STPG2: variants seen among roughly 807,000 people sequenced by gnomAD.
STPG2 encodes the protein sperm tail PG-rich repeat containing 2.
STPG2 carries 56 observed loss-of-function variants against 54.2 expected under a neutral mutation model. That is an observed-to-expected ratio of 1.03 (90% CI 0.83 to 1.29). STPG2 has a LOEUF of 1.29. Among genes scored for constraint, STPG2 ranks in the 50% most tolerant of loss-of-function variants. The pLI is 0.00. For missense variants in STPG2, 596 were observed against 544.9 expected, an observed-to-expected ratio of 1.09 and a Z score of -0.93; for synonymous variants, 200 against 181.8, an observed-to-expected ratio of 1.10 and a Z score of -0.81.
chr4:97,950,139 A>AT (rs941021641), intron 7 of STPG2, among the ~76,000 whole-genome samples: 1 of 151,386 alleles, frequency 6.6e-6, no homozygotes, highest in Admixed American at 6.6e-5. Context: ...ATATCCTGAA[A>AT]TTTTTTTAAT....
chr4:97,563,176 T>G (rs1378192974), intron 10 of STPG2, among the ~76,000 whole-genome samples: 5 of 152,064 alleles, frequency 3.3e-5, no homozygotes, highest in African/African-American at 1.2e-4. Context: ...CTTGGGAGGG[T>G]GTATGTGTCA....
At chr4:97,846,838 A>T (rs1241632405) in intron 8 of STPG2, among the ~76,000 whole-genome samples, 4 of 152,172 alleles carry the variant, frequency 2.6e-5, no homozygotes, top group Non-Finnish European at 4.4e-5. Context: ...ATTAAGCCAG[A>T]ACTACTTCCT....
At chr4:97,464,655 C>A (rs528857867) in intron 4 of STPG2, among the ~76,000 whole-genome samples, 1 of 152,134 alleles carries the variant, frequency 6.6e-6, no homozygotes. Context: ...GATCTGCCTG[C>A]CTTGGCCTCC....
chr4:97,471,069 G>T (rs1221885620), intron 4 of STPG2, among the ~76,000 whole-genome samples: 1 of 152,144 alleles, frequency 6.6e-6, no homozygotes, highest in Non-Finnish European at 1.5e-5. Flanking sequence ...TGGACAAAGG[G>T]ATGACTGACA....
chr4:97,597,685 C>G (rs529034480), intron 10 of STPG2, among the ~76,000 whole-genome samples: 20 of 152,102 alleles, frequency 1.3e-4, no homozygotes, highest in South Asian at 8.3e-4. Context: ...ATTCAACATC[C>G]CTTCATGTTA....
intron 8 of STPG2, among the ~76,000 whole-genome samples, chr4:97,877,553 T>C (rs1295255574): frequency 1.3e-5 from 2 of 152,106 alleles, no homozygotes; most frequent in Non-Finnish European, 2.9e-5. Flanking sequence ...AAAATGAGGA[T>C]GAAGTGAAAG....
chr4:97,961,269 C>G (rs1733878434), intron 7 of STPG2, among the ~76,000 whole-genome samples: 1 of 152,036 alleles, frequency 6.6e-6, no homozygotes, highest in Non-Finnish European at 1.5e-5. Flanking sequence ...CCAGCAAAAA[C>G]CTTCTAGACA....
chr4:97,882,036 C>T (rs145422692), intron 8 of STPG2, among the ~76,000 whole-genome samples: 170 of 151,740 alleles, frequency 1.1e-3, no homozygotes, highest in African/African-American at 3.7e-3. Flanking sequence ...CACACACACA[C>T]AAAAAAAATA....
intron 9 of STPG2, among the ~76,000 whole-genome samples, chr4:97,805,270 G>A (rs776495286): frequency 8.5e-5 from 13 of 152,112 alleles, no homozygotes; most frequent in East Asian, 3.9e-4. Context: ...GCAGTGGCGC[G>A]ATCTCCCCTC....
intron 7 of STPG2, among the ~76,000 whole-genome samples, chr4:97,958,576 G>A (rs1165077783): frequency 6.6e-6 from 1 of 152,130 alleles, no homozygotes; most frequent in Non-Finnish European, 1.5e-5. Context: ...AACACCAAAA[G>A]CCAGGAGAAG....
At chr4:97,584,067 T>A (rs1732930779) in intron 10 of STPG2, among the ~76,000 whole-genome samples, 1 of 151,898 alleles carries the variant, frequency 6.6e-6, no homozygotes, top group Non-Finnish European at 1.5e-5. Flanking sequence ...ACCCAACAAC[T>A]GCAGAATGCT....
rs531692971 is a variant in STPG2, at chr4:97,595,174, A to T, written c.1321-36057T>A. Among the ~76,000 whole-genome samples the T allele has an allele frequency of 1.8e-3, 281 of 152,326 alleles. 1 individual carries two copies. The highest frequency in any genetic ancestry group is 6.3e-3 in the African/African-American group (263 of 41,564). Reference sequence around the variant, plus strand: ...ACATATGTTTACTGCAGCACTATTCACAATAGCAAAGACTTGGAACCAACC... The same window carrying T: ...ACATATGTTTACTGCAGCACTATTCTCAATAGCAAAGACTTGGAACCAACC... On this transcript the variant is annotated intron_variant, in intron 10 of 10. Coordinates refer to ENST00000295268, the MANE Select transcript of STPG2 (RefSeq NM_174952.3).
chr4:97,616,974 C>CTCAAA (rs2148920359), intron 10 of STPG2, among the ~76,000 whole-genome samples: 1 of 152,162 alleles, frequency 6.6e-6, no homozygotes, highest in East Asian at 1.9e-4. Context: ...ATCAAATTTT[C>CTCAAA]TCAAATTCTA....
chr4:98,027,212 T>G (rs1359172443), intron 5 of STPG2, among the ~76,000 whole-genome samples: 1 of 152,210 alleles, frequency 6.6e-6, no homozygotes, highest in Non-Finnish European at 1.5e-5. Context: ...TTTATTAACT[T>G]AATCACATTG....
chr4:97,564,036 T>TAA (rs1295424491), intron 10 of STPG2, among the ~76,000 whole-genome samples: 8 of 152,224 alleles, frequency 5.3e-5, no homozygotes, highest in Admixed American at 2.6e-4. Context: ...AGTGGGGTGT[T>TAA]AAAGTCTCCC....
intron 5 of STPG2, among the ~76,000 whole-genome samples, chr4:98,095,223 T>C (rs1476157894): frequency 6.6e-6 from 1 of 151,848 alleles, no homozygotes; most frequent in Non-Finnish European, 1.5e-5. Context: ...GAAAATCACT[T>C]CCACGAAAAG....
rs1731670815 is a variant in STPG2, at chr4:97,911,333, G to T, written c.1044+32564C>A. Among the ~76,000 whole-genome samples, 3 of 152,346 alleles carry T rather than the reference G, an allele frequency of 2.0e-5. No homozygotes were observed. In the South Asian group the frequency reaches 6.2e-4, roughly 32 times the overall value. Reference sequence around the variant, plus strand: ...GTAGAAAAGCCAGGGAGCCAAGCAGGCTCGTTCAGCAGGCCCCACTCCCAG... The same window carrying T: ...GTAGAAAAGCCAGGGAGCCAAGCAGTCTCGTTCAGCAGGCCCCACTCCCAG... On this transcript the variant is annotated intron_variant, in intron 8 of 10. Transcript: ENST00000295268.
chr4:97,536,285 T>G (rs1033288638), intron 4 of STPG2, among the ~76,000 whole-genome samples: 20 of 152,162 alleles, frequency 1.3e-4, no homozygotes, highest in Non-Finnish European at 2.6e-4. Flanking sequence ...TCATCAGAAT[T>G]TGTAATACCA....
intron 4 of STPG2, among the ~76,000 whole-genome samples, chr4:97,540,503 A>T (rs1731668939): frequency 6.6e-6 from 1 of 152,216 alleles, no homozygotes; most frequent in South Asian, 2.1e-4. Context: ...AACCAAAAAA[A>T]GTCCAGGAGC....
Sources: gnomAD v4.1 joint callset for allele counts (sites outside exome capture counted in the v4.1 genomes callset) on GRCh38, gnomAD v4.1.1 for gene constraint, MANE v1.5 for transcripts, NCBI Gene and HGNC (gene_info 2026-07-23, HGNC 2026-07-21) for gene names.